Variants in KIAA1217 observed in about 807,000 individuals in gnomAD.
KIAA1217 encodes the protein KIAA1217.
Under a neutral mutation model 163.9 loss-of-function variants are expected in KIAA1217, and 88 were observed. The ratio of observed to expected loss-of-function variants is 0.54; its 90% CI spans 0.45 to 0.64. The LOEUF (loss-of-function observed/expected upper bound fraction) is 0.64. Among genes scored for constraint, KIAA1217 ranks in the 30% least tolerant of loss-of-function variants. The pLI, the probability that KIAA1217 is intolerant of heterozygous loss-of-function variation, is 0.00. For missense variants in KIAA1217, 2,372 were observed against 2,475.0 expected, an observed-to-expected ratio of 0.96 and a Z score of 0.88; for synonymous variants, 903 against 923.1, an observed-to-expected ratio of 0.98 and a Z score of 0.39.
intron 1 of KIAA1217, among the ~76,000 whole-genome samples, chr10:23,782,069 A>T (rs1223307703): frequency 7.0e-6 from 1 of 142,946 alleles, no homozygotes; most frequent in Non-Finnish European, 1.6e-5. Flanking sequence ...ATATGAATTA[A>T]AAAAAAAATT....
intron 2 of KIAA1217, among the ~76,000 whole-genome samples, chr10:24,125,320 C>CTGTGTG (rs1491130955): frequency 2.6e-4 from 24 of 92,256 alleles, no homozygotes; most frequent in Admixed American, 3.2e-4. Flanking sequence ...GAATCCTATG[C>CTGTGTG]TCTGTGTGTG....
intron 1 of KIAA1217, among the ~76,000 whole-genome samples, chr10:23,954,621 A>G (rs1239014843): frequency 6.6e-6 from 1 of 151,894 alleles, no homozygotes; most frequent in African/African-American, 2.4e-5. Context: ...GGAGCCAGGA[A>G]AGAAGGAAGG....
At chr10:24,115,961 A>C (rs567688953) in intron 2 of KIAA1217, among the ~76,000 whole-genome samples, 1 of 151,958 alleles carries the variant, frequency 6.6e-6, no homozygotes, top group South Asian at 2.1e-4. Flanking sequence ...TACTCCATTT[A>C]CTCACTTGTA....
chr10:23,770,749 G>GT (rs991985604), intron 1 of KIAA1217, among the ~76,000 whole-genome samples: 2 of 152,178 alleles, frequency 1.3e-5, no homozygotes, highest in African/African-American at 4.8e-5. Context: ...TAACACAGAA[G>GT]TAACTTCTGT....
intron 2 of KIAA1217, among the ~76,000 whole-genome samples, chr10:24,183,694 C>G (rs1319901580): frequency 6.6e-6 from 1 of 152,176 alleles, no homozygotes; most frequent in Non-Finnish European, 1.5e-5. Context: ...CAGCGGGGAA[C>G]TCCCTCTCTA....
chr10:24,276,921 TA>T (rs113866447), intron 2 of KIAA1217, among the ~76,000 whole-genome samples: 4 of 146,132 alleles, frequency 2.7e-5, no homozygotes, highest in Admixed American at 7.0e-5. Flanking sequence ...TCCAGCTAAT[TA>T]AAAAAAAAAT....
chr10:24,223,704 C>T (rs1209002237), intron 2 of KIAA1217, among the ~76,000 whole-genome samples: 1 of 148,560 alleles, frequency 6.7e-6, no homozygotes, highest in Non-Finnish European at 1.5e-5. Context: ...CTCTTAAAAT[C>T]TAGGTTCTTT....
At chr10:23,894,480 G>C (rs1003690137) in intron 1 of KIAA1217, among the ~76,000 whole-genome samples, 3 of 145,988 alleles carry the variant, frequency 2.1e-5, no homozygotes, top group African/African-American at 7.6e-5. Context: ...ACTGCTCAAG[G>C]AAATAAAAGA....
At chr10:24,338,721 T>C (rs1395769561) in intron 2 of KIAA1217, among the ~76,000 whole-genome samples, 1 of 152,260 alleles carries the variant, frequency 6.6e-6, no homozygotes. Context: ...CATGTTCCTT[T>C]TCAAATATTG....
At chr10:24,360,119 T>C (rs1591301888) in intron 2 of KIAA1217, among the ~76,000 whole-genome samples, 1 of 139,068 alleles carries the variant, frequency 7.2e-6, no homozygotes, top group East Asian at 2.3e-4. Flanking sequence ...CAATCTGGGA[T>C]CACTGCAACC....
chr10:24,144,116 T>C (rs928949542), intron 2 of KIAA1217, among the ~76,000 whole-genome samples: 1 of 152,216 alleles, frequency 6.6e-6, no homozygotes, highest in African/African-American at 2.4e-5. Flanking sequence ...AGAATTAAGC[T>C]GATCAAAAAG....
chr10:24,404,370 C>A (rs2056938349), intron 3 of KIAA1217, among the ~76,000 whole-genome samples: 1 of 151,978 alleles, frequency 6.6e-6, no homozygotes, highest in Non-Finnish European at 1.5e-5. Flanking sequence ...AGATGGAGAC[C>A]CTCCTGGCCA....
At chr10:23,913,784 T>C (rs1224253368) in intron 1 of KIAA1217, among the ~76,000 whole-genome samples, 4 of 152,156 alleles carry the variant, frequency 2.6e-5, no homozygotes, top group African/African-American at 9.6e-5. Flanking sequence ...CTCATTCTGT[T>C]TTTTACACAC....
chr10:24,026,525 A>G lies in KIAA1217; in HGVS notation c.-171+19151A>G, dbSNP rs74803034. 2.1e-3 allele frequency among the ~76,000 whole-genome samples: 325 copies of G among 151,918 alleles called. 1 individual carries two copies. Among genetic ancestry groups the G allele is most frequent in the African/African-American group, 7.7e-3 (319 of 41,514 alleles). ...CTTCAAAACAAGTTGTAAATTTTAT[A>G]TATGTTTTCAAATTTATTGGTATAA... On this transcript the variant is annotated intron_variant, in intron 2 of 18. Coordinates refer to the KIAA1217 transcript ENST00000376462.
At chr10:23,942,317 G>C (rs12357025) in intron 1 of KIAA1217, among the ~76,000 whole-genome samples, 30,420 of 152,036 alleles carry the variant, frequency 0.2, 3,297 homozygotes, top group Middle Eastern at 0.27. Context: ...TGGTAATAAT[G>C]AGTGAACAAT....
upstream of KIAA1217, among the ~76,000 whole-genome samples, chr10:24,207,381 A>T (rs1213246063): frequency 6.6e-6 from 1 of 151,956 alleles, no homozygotes; most frequent in African/African-American, 2.4e-5. Context: ...AATACACAAC[A>T]GTATACAAGA....
At chr10:24,038,862 C>T (rs1459234746) in intron 2 of KIAA1217, among the ~76,000 whole-genome samples, 2 of 150,572 alleles carry the variant, frequency 1.3e-5, no homozygotes, top group African/African-American at 4.9e-5. Flanking sequence ...GGTGATCCTC[C>T]TGCCTCAGCC....
intron 2 of KIAA1217, among the ~76,000 whole-genome samples, chr10:24,164,277 T>TATGTGTACTA (rs2065244851): frequency 6.6e-6 from 1 of 152,186 alleles, no homozygotes; most frequent in African/African-American, 2.4e-5. Flanking sequence ...TGCCTGGGAA[T>TATGTGTACTA]CACTTAGGTT....
intron 14 of KIAA1217, among the ~76,000 whole-genome samples, chr10:24,531,030 T>TAA (rs34814705): frequency 2.1e-5 from 3 of 145,458 alleles, no homozygotes; most frequent in Non-Finnish European, 4.6e-5. Flanking sequence ...ACCCCGCCTG[T>TAA]AAAAAAAAAA....
Sources: allele counts gnomAD v4.1 joint callset (sites outside exome capture counted in the v4.1 genomes callset), GRCh38; gene constraint gnomAD v4.1.1; transcripts MANE v1.5; gene names NCBI Gene and HGNC (gene_info 2026-07-23, HGNC 2026-07-21).